NPIPB11: variants seen among roughly 807,000 people sequenced by gnomAD.
NPIPB11 encodes the protein nuclear pore complex interacting protein family member B11.
A neutral mutation model predicts 32.8 loss-of-function variants in NPIPB11; 17 were observed. The ratio of observed to expected loss-of-function variants is 0.52; its 90% CI spans 0.35 to 0.78. The LOEUF (loss-of-function observed/expected upper bound fraction) is 0.78, where lower values mean the gene tolerates loss of function less well. NPIPB11 is among the 30% of genes least tolerant of loss of function. The pLI is 0.01. For missense variants in NPIPB11, 537 were observed against 1,000.4 expected, an observed-to-expected ratio of 0.54 and a Z score of 6.25; for synonymous variants, 209 against 398.4, an observed-to-expected ratio of 0.52 and a Z score of 5.66.
intron 3 of NPIPB11, among the ~76,000 whole-genome samples, chr16:29,391,998 G>A (rs1488197513): frequency 1.3e-5 from 2 of 152,030 alleles, no homozygotes; most frequent in African/African-American, 2.4e-5. Flanking sequence ...TGGGATTACA[G>A]GCATGAGCCA....
intron 2 of NPIPB11, chr16:29,397,540 A>G: frequency 7.3e-6 from 11 of 1,516,950 alleles, no homozygotes; most frequent in Non-Finnish European, 9.8e-6. Context: ...AAAAAGGAAG[A>G]AACCCCGAGG....
At chr16:29,390,829 G>T (rs1442772478) in intron 3 of NPIPB11, among the ~76,000 whole-genome samples, 6 of 151,658 alleles carry the variant, frequency 4.0e-5, no homozygotes, top group Non-Finnish European at 5.9e-5. Flanking sequence ...CAGGCATGGT[G>T]GTGCATGCCT....
chr16:29,394,883 G>A (rs1159766534), intron 2 of NPIPB11, among the ~76,000 whole-genome samples: 2 of 149,190 alleles, frequency 1.3e-5, no homozygotes, highest in Non-Finnish European at 3.0e-5. Context: ...GTAGCTGGGA[G>A]TACAGGTGCC....
In NPIPB11 at chr16:29,397,027, T is replaced by C. The variant is rs1286996579; in HGVS notation, c.121-2951A>G. ...GCCAGGCGTGGTGGTCTACTAAAAA[T>C]ACAAAAATTAGCCAGGCGTTGTAAT... On this transcript the variant is annotated intron_variant, in intron 2 of 7. Transcript: ENST00000524087. 7.9e-5 allele frequency among the ~76,000 whole-genome samples: 12 copies of C among 151,252 alleles called. No homozygotes were observed. The East Asian group carries it at 1.8e-3, about 22-fold the overall frequency.
chr16:29,397,722 G>C (rs547523225), intron 2 of NPIPB11: 19 of 402,528 alleles, frequency 4.7e-5, no homozygotes, highest in South Asian at 2.5e-4. Flanking sequence ...GGAAGGGGAC[G>C]GGGACCGGGC....
At chr16:29,390,484 C>A (rs1963690629) in intron 3 of NPIPB11, 136 bp from the exon 4 acceptor site, 1 of 1,392,608 alleles carries the variant, frequency 7.2e-7, no homozygotes, top group African/African-American at 1.4e-5. Flanking sequence ...GAAACCCCAT[C>A]TCTACTAAAA....
chr16:29,393,055 GA>G (rs1399067428), intron 3 of NPIPB11, among the ~76,000 whole-genome samples: 3 of 149,672 alleles, frequency 2.0e-5, no homozygotes, highest in South Asian at 4.2e-4. Flanking sequence ...TTACCCAAAG[GA>G]AAAAAGGCTC....
In NPIPB11 at chr16:29,393,904, T is replaced by A. The variant is rs568984438; in HGVS notation, c.249+44A>T. The A allele has an allele frequency of 4.1e-6, 6 of 1,457,034 alleles. 1 individual carries two copies. In the African/African-American group the frequency reaches 8.5e-5, roughly 21 times the overall value. 90.3% of individuals were successfully genotyped at this position (1,457,034 alleles called of 1,614,324 possible). On this transcript the variant is annotated intron_variant, in intron 3 of 7. Transcript: ENST00000524087. The stretch of plus-strand genomic sequence containing the variant: ...AATTGTTTTATATAATTTATTCTTA[T>A]TTGTGATTACAAGTATACCTCTACA...
At chr16:29,399,713 TACAA>T (rs1040760696) in intron 2 of NPIPB11, among the ~76,000 whole-genome samples, 17 of 151,106 alleles carry the variant, frequency 1.1e-4, no homozygotes, top group South Asian at 6.3e-4. Flanking sequence ...CAGCAACAAC[TACAA>T]ACAAACAAAA....
At chr16:29,391,224 A>G (rs2142125891) in intron 3 of NPIPB11, among the ~76,000 whole-genome samples, 1 of 131,770 alleles carries the variant, frequency 7.6e-6, no homozygotes, top group South Asian at 2.5e-4. Context: ...CCAAGATCCC[A>G]CCACTGCACT....
rs1469459418 is a variant in NPIPB11 at position 29,390,352 on chromosome 16, G to C, written c.250-4C>G. 4 of 1,107,422 alleles carry C rather than the reference G, an allele frequency of 3.6e-6. No homozygotes were observed. The highest frequency in any genetic ancestry group is 5.4e-6 in the Non-Finnish European group (4 of 740,988). The allele number at this position is 1,107,422 out of a possible 1,614,324, so 68.6% of individuals were successfully genotyped here. On this transcript the variant is annotated splice_polypyrimidine_tract_variant and splice_region_variant and intron_variant, in intron 3 of 7. Transcript: ENST00000524087. ...AGATAGTCTTCAGGAGAGACACCTA[G>C]GAAATAATAATATAAGAATGACGGC...
chr16:29,394,410 A>G (rs1963798456), intron 2 of NPIPB11, among the ~76,000 whole-genome samples: 1 of 128,944 alleles, frequency 7.8e-6, no homozygotes, highest in African/African-American at 3.2e-5. Flanking sequence ...ACAATAGCTG[A>G]TGATCTAAAA....
At chr16:29,397,037 A>T (rs993194470) in intron 2 of NPIPB11, among the ~76,000 whole-genome samples, 1 of 151,528 alleles carries the variant, frequency 6.6e-6, no homozygotes, top group Non-Finnish European at 1.5e-5. Flanking sequence ...TACAAAAATT[A>T]GCCAGGCGTT....
chr16:29,401,300 T>C (rs1963985850), intron 2 of NPIPB11, among the ~76,000 whole-genome samples: 1 of 152,104 alleles, frequency 6.6e-6, no homozygotes, highest in South Asian at 2.1e-4. Flanking sequence ...ATCAACTCTC[T>C]CAATGTTCCC....
At position 29,397,556 on chromosome 16, in the gene NPIPB11, G is replaced by A. The variant is rs1963888466; in HGVS notation, c.121-3480C>T. ...AAAAGGAAGAAACCCCGAGGGTCCA[G>A]CGTCTACTCACACGGATGCACTGAT... On this transcript the variant is annotated intron_variant, in intron 2 of 7. Transcript: ENST00000524087. 3.9e-6 allele frequency: 6 copies of A among 1,528,110 alleles called. No homozygotes were observed. The Admixed American group carries it at 7.9e-5, about 20-fold the overall frequency. The allele number at this position is 1,528,110 out of a possible 1,614,324, so 94.7% of individuals were successfully genotyped here. A position where few individuals can be genotyped will look rare whatever the true frequency, so the allele number is the denominator to read the frequency against.
At chr16:29,399,803 G>T (rs1021268985) in intron 2 of NPIPB11, among the ~76,000 whole-genome samples, 6 of 151,962 alleles carry the variant, frequency 3.9e-5, no homozygotes, top group African/African-American at 1.5e-4. Context: ...ATTTGGCTGG[G>T]CATGGTGGCT....
intron 3 of NPIPB11, among the ~76,000 whole-genome samples, chr16:29,392,313 T>C (rs1489179157): frequency 6.6e-6 from 1 of 151,956 alleles, no homozygotes; most frequent in Non-Finnish European, 1.5e-5. Context: ...GGTAATGGTA[T>C]AGATGACTAG....
intron 5 of NPIPB11, among the ~76,000 whole-genome samples, chr16:29,389,186 C>G (rs1214789819): frequency 3.2e-5 from 4 of 126,122 alleles, no homozygotes. Context: ...CAGAGTGAGA[C>G]TCTGTCTCAA....
intron 2 of NPIPB11, among the ~76,000 whole-genome samples, chr16:29,401,333 G>A (rs1170840224): frequency 6.6e-6 from 1 of 152,074 alleles, no homozygotes; most frequent in African/African-American, 2.4e-5. Context: ...ATCATCTGGG[G>A]TAACTGAGGC....
Sources: gnomAD v4.1 joint callset for allele counts (sites outside exome capture counted in the v4.1 genomes callset) on GRCh38, gnomAD v4.1.1 for gene constraint, MANE v1.5 for transcripts, NCBI Gene and HGNC (gene_info 2026-07-23, HGNC 2026-07-21) for gene names.